The following SCN11A variants were observed in gnomAD, a reference collection of about 807,000 sequenced individuals.
SCN11A encodes the protein sodium channel protein type 11 subunit alpha.
Under a neutral mutation model 162.2 loss-of-function variants are expected in SCN11A, and 122 were observed. The ratio of observed to expected loss-of-function variants is 0.75; its 90% CI spans 0.65 to 0.87. The LOEUF (loss-of-function observed/expected upper bound fraction) is 0.87, where lower values mean the gene tolerates loss of function less well. SCN11A is among the 40% of genes least tolerant of loss of function. The pLI is 0.00. For synonymous variants in SCN11A, 758 were observed against 751.5 expected (o/e 1.01, Z -0.14); for missense variants, 2,015 against 2,181.6 (o/e 0.92, Z 1.52).
At chr3:38,953,171 A>G (rs1429468895) in intron 4 of SCN11A, among the ~76,000 whole-genome samples, 1 of 152,144 alleles carries the variant, frequency 6.6e-6, no homozygotes, top group African/African-American at 2.4e-5. Context: ...GAAACCAAAT[A>G]CCACATGTTC....
intron 9 of SCN11A, among the ~76,000 whole-genome samples, chr3:38,923,051 A>C (rs377743507): frequency 5.3e-5 from 8 of 152,168 alleles, no homozygotes; most frequent in African/African-American, 1.4e-4. Flanking sequence ...TGCTATAATA[A>C]CCTCATTTTT....
At chr3:38,907,865 ATGAAT>A (rs1383422499) in intron 14 of SCN11A, 79 bp downstream of exon 14, 1 of 1,188,776 alleles carries the variant, frequency 8.4e-7, no homozygotes, top group African/African-American at 1.5e-5. Context: ...AACTGAATAA[ATGAAT>A]TATTTCAATT....
intron 2 of SCN11A, among the ~76,000 whole-genome samples, chr3:39,022,586 AAC>A (rs1227058621): frequency 2.0e-5 from 3 of 152,332 alleles, no homozygotes; most frequent in African/African-American, 7.2e-5. Context: ...TCCTGAGTTA[AAC>A]ACAGTTTTTC....
chr3:39,016,924 T>C (rs1207172644), intron 2 of SCN11A, among the ~76,000 whole-genome samples: 1 of 152,170 alleles, frequency 6.6e-6, no homozygotes, highest in African/African-American at 2.4e-5. Context: ...TTAAAAGATA[T>C]TTTTATTGGT....
intron 14 of SCN11A, among the ~76,000 whole-genome samples, chr3:38,906,937 G>A (rs979102851): frequency 1.3e-5 from 2 of 151,996 alleles, no homozygotes; most frequent in Admixed American, 6.6e-5. Context: ...GCGTGCACGC[G>A]CATACACACA....
At chr3:38,903,778 A>T (rs1559520568) in intron 16 of SCN11A, 87 bp downstream of exon 16, 2 of 1,003,216 alleles carry the variant, frequency 2.0e-6, no homozygotes, top group East Asian at 5.3e-5. Context: ...AGGTTAGGTT[A>T]GCTCATTCAC....
chr3:38,932,019 A>T (rs1402260025), intron 7 of SCN11A, among the ~76,000 whole-genome samples: 1 of 152,224 alleles, frequency 6.6e-6, no homozygotes, highest in African/African-American at 2.4e-5. Flanking sequence ...GCCAAGTCAG[A>T]TACCACAAAT....
chr3:38,907,310 ATGTGTGTGTGTGTGTG>A (rs141158768), intron 14 of SCN11A, among the ~76,000 whole-genome samples: 30 of 119,236 alleles, frequency 2.5e-4, no homozygotes, highest in African/African-American at 7.9e-4. Context: ...ACCAACATAT[ATGTGTGTGTGTGTGTG>A]TGTGTGTGTG....
chr3:38,996,452 C>T (rs1016184813), intron 2 of SCN11A, among the ~76,000 whole-genome samples: 1 of 152,236 alleles, frequency 6.6e-6, no homozygotes, highest in Admixed American at 6.5e-5. Flanking sequence ...TGCAGGAATC[C>T]CAGACTTCGT....
chr3:39,035,671 G>T (rs184386327), intron 1 of SCN11A, among the ~76,000 whole-genome samples: 1 of 151,728 alleles, frequency 6.6e-6, no homozygotes, highest in African/African-American at 2.4e-5. Context: ...ATGGAGTCTC[G>T]CTCTGTTGCC....
rs375928527 is a variant in SCN11A at position 38,908,131 on chromosome 3, T to G, written c.1300-9A>C. Reference sequence around the variant, plus strand: ...CCCATGGCAACCAGAGCCTTCAAATTGAACAAAAGCAATTAAAGAACAGAT... The same window carrying G: ...CCCATGGCAACCAGAGCCTTCAAATGGAACAAAAGCAATTAAAGAACAGAT... On this transcript the variant is annotated splice_polypyrimidine_tract_variant and intron_variant, in intron 13 of 29. Transcript: ENST00000302328. 39 of 1,607,044 alleles carry G rather than the reference T, an allele frequency of 2.4e-5. No homozygotes were observed. The African/African-American group carries it at 5.0e-4, about 21-fold the overall frequency.
chr3:38,941,470 C>A (rs1453531301), intron 7 of SCN11A, among the ~76,000 whole-genome samples: 1 of 152,142 alleles, frequency 6.6e-6, no homozygotes, highest in South Asian at 2.1e-4. Flanking sequence ...AAAAAAATGT[C>A]TTTAAAAGGC....
At position 38,867,416 on chromosome 3, in the gene SCN11A, T is replaced by C; in HGVS notation, c.3856A>G (p.Ile1286Val). The C allele has an allele frequency of 6.2e-7, 1 of 1,613,288 alleles. No individual in the cohort carries two copies. The highest frequency in any genetic ancestry group is 8.5e-7 in the Non-Finnish European group (1 of 1,179,366). Reference sequence around the variant, plus strand: ...AAGATGATAAAGACTACGAAGTAAATGTAACCGAGTGAATTGCTCTCAAAC... The same window carrying C: ...AAGATGATAAAGACTACGAAGTAAACGTAACCGAGTGAATTGCTCTCAAAC... ...PEFESNSLGY[I>V]YFVVFIIFGS... The change falls in exon 27 of 30, where the codon ATT becomes GTT. Residue 1286 changes from isoleucine to valine, a missense_variant. Transcript: ENST00000302328.
intron 9 of SCN11A, among the ~76,000 whole-genome samples, chr3:38,924,929 T>C (rs1306740744): frequency 6.6e-6 from 1 of 152,032 alleles, no homozygotes; most frequent in African/African-American, 2.4e-5. Flanking sequence ...CAGAATACTC[T>C]TTCCCATATA....
intron 19 of SCN11A, among the ~76,000 whole-genome samples, chr3:38,889,657 G>A (rs1028901422): frequency 4.1e-4 from 61 of 149,174 alleles, no homozygotes; most frequent in African/African-American, 1.4e-3. Context: ...AAAATCAGCC[G>A]AGTGTGGTGG....
chr3:39,014,590 A>G (rs2031236908), intron 2 of SCN11A, among the ~76,000 whole-genome samples: 1 of 152,236 alleles, frequency 6.6e-6, no homozygotes, highest in Admixed American at 6.5e-5. Flanking sequence ...ATTTTTATCA[A>G]GCCAGCTGCT....
intron 2 of SCN11A, among the ~76,000 whole-genome samples, chr3:39,027,424 G>A (rs1036559934): frequency 2.6e-5 from 4 of 152,054 alleles, no homozygotes; most frequent in East Asian, 3.9e-4. Flanking sequence ...CCTGCTTGTT[G>A]CCCAGGGGTC....
chr3:38,948,912 C>T (rs1646770347), intron 5 of SCN11A, among the ~76,000 whole-genome samples: 1 of 152,178 alleles, frequency 6.6e-6, no homozygotes, highest in African/African-American at 2.4e-5. Context: ...AATCCTGGGG[C>T]ATCAGAAAAA....
Position 38,863,254 on chromosome 3 carries a change from A to G in SCN11A, c.3997T>C (p.Tyr1333His), listed in dbSNP as rs1260764008. 6.2e-7 allele frequency: 1 copy of G among 1,608,530 alleles called. No individual in the cohort carries two copies. The highest frequency in any genetic ancestry group is 1.1e-5 in the South Asian group (1 of 90,906). ...GATCCTAATTTTTTCATTGCATTATAGTATTTCTTCTGTTCTTCTGTCATA... is the reference window on the plus strand; with the variant it reads ...GATCCTAATTTTTTCATTGCATTATGGTATTTCTTCTGTTCTTCTGTCATA... ...IFMTEEQKKY[Y>H]NAMKKLGSKK... Residue 1333 changes from tyrosine (Y) to histidine (H), a missense_variant, in exon 28 of 30, where the codon TAT (tyrosine) becomes CAT (histidine). Transcript: ENST00000302328.
Sources: gnomAD v4.1 joint callset for allele counts (sites outside exome capture counted in the v4.1 genomes callset) on GRCh38, gnomAD v4.1.1 for gene constraint, MANE v1.5 for transcripts, NCBI Gene and HGNC (gene_info 2026-07-23, HGNC 2026-07-21) for gene names.